Variants in MALRD1 observed in about 807,000 individuals in gnomAD.
MALRD1 encodes the protein MAM and LDL-receptor class A domain-containing protein 1.
Under a neutral mutation model 242.1 loss-of-function variants are expected in MALRD1, and 247 were observed. The observed-to-expected ratio is 1.02, with a 90% confidence interval of 0.92 to 1.13. MALRD1 has a LOEUF of 1.13. Ranked by LOEUF, MALRD1 falls within the 50% of genes most tolerant of loss-of-function variation. The pLI, the probability that MALRD1 is intolerant of heterozygous loss-of-function variation, is 0.00. For synonymous variants in MALRD1, 995 were observed against 866.6 expected (o/e 1.15, Z -2.60); for missense variants, 2,989 against 2,533.1 (o/e 1.18, Z -3.86).
intron 36 of MALRD1, among the ~76,000 whole-genome samples, chr10:19,649,235 T>C (rs1206738505): frequency 6.6e-6 from 1 of 152,180 alleles, no homozygotes; most frequent in Non-Finnish European, 1.5e-5. Context: ...TGCTTTATAT[T>C]CCTCTGGGTA....
intron 21 of MALRD1, among the ~76,000 whole-genome samples, chr10:19,285,172 G>T (rs2131896796): frequency 7.0e-6 from 1 of 143,330 alleles, no homozygotes; most frequent in South Asian, 2.3e-4. Context: ...AGATGAGTAG[G>T]TTGCGAAAAT....
At chr10:19,231,621 C>G (rs563956441) in intron 18 of MALRD1, among the ~76,000 whole-genome samples, 81 of 152,300 alleles carry the variant, frequency 5.3e-4, no homozygotes, top group African/African-American at 9.6e-4. Flanking sequence ...CCTACACAAG[C>G]TTTCTTCTCT....
chr10:19,067,125 C>T (rs1388108142), intron 2 of MALRD1, among the ~76,000 whole-genome samples: 1 of 152,088 alleles, frequency 6.6e-6, no homozygotes, highest in Non-Finnish European at 1.5e-5. Flanking sequence ...AATAGGTCTG[C>T]TTAGAGAATA....
chr10:19,373,771 A>T (rs992215722), intron 26 of MALRD1, among the ~76,000 whole-genome samples: 1 of 152,186 alleles, frequency 6.6e-6, no homozygotes, highest in Non-Finnish European at 1.5e-5. Flanking sequence ...AAGGTCAATT[A>T]ACCAAGAAGC....
At chr10:19,433,550 G>A (rs1293996565) in intron 28 of MALRD1, among the ~76,000 whole-genome samples, 3 of 152,186 alleles carry the variant, frequency 2.0e-5, no homozygotes, top group Non-Finnish European at 4.4e-5. Flanking sequence ...CAACAGTCAT[G>A]TCAGTTAGAT....
chr10:19,617,189 G>A (rs1839196010), intron 36 of MALRD1, among the ~76,000 whole-genome samples: 1 of 151,908 alleles, frequency 6.6e-6, no homozygotes, highest in Non-Finnish European at 1.5e-5. Context: ...TACATTCTTG[G>A]CAACACTCTC....
chr10:19,325,288 G>T (rs34343714), intron 22 of MALRD1, among the ~76,000 whole-genome samples: 19,598 of 151,742 alleles, frequency 0.13, 1,302 homozygotes, highest in South Asian at 0.16. Context: ...GAACCTCCAT[G>T]TCTCTCTAAA....
intron 1 of MALRD1, among the ~76,000 whole-genome samples, chr10:19,065,857 C>T (rs998073135): frequency 2.0e-5 from 3 of 152,108 alleles, no homozygotes; most frequent in East Asian, 1.9e-4. Context: ...TTCAGGAGTA[C>T]GTCTCAGCCA....
At chr10:19,734,023 G>GA (rs1835396641) in intron 39 of MALRD1, 134 bp from the exon 40 acceptor site, 1 of 629,032 alleles carries the variant, frequency 1.6e-6, no homozygotes, top group African/African-American at 1.9e-5. Flanking sequence ...GCTGGAAGAA[G>GA]AGTCAGGGAT....
At position 19,236,498 on chromosome 10, in the gene MALRD1, G is replaced by A. The variant is rs140020732; in HGVS notation, c.2992-21186G>A. Reference sequence around the variant, plus strand: ...AGAAGGCCTATTAGGTTCCAATACAGCATTAGGCAACTTGATAAGGTATCC... The same window carrying A: ...AGAAGGCCTATTAGGTTCCAATACAACATTAGGCAACTTGATAAGGTATCC... On this transcript the variant is annotated intron_variant, in intron 18 of 39. Transcript: ENST00000454679. Among the ~76,000 whole-genome samples the A allele has an allele frequency of 2.5e-3, 386 of 152,206 alleles. No homozygotes were observed. The Middle Eastern group carries it at 0.027, about 11-fold the overall frequency.
intron 18 of MALRD1, among the ~76,000 whole-genome samples, chr10:19,227,170 C>A (rs1168492906): frequency 1.3e-5 from 2 of 150,222 alleles, no homozygotes; most frequent in African/African-American, 4.9e-5. Flanking sequence ...TTTTTTAATG[C>A]GGAAGTCCAA....
chr10:19,599,666 A>G (rs995640283), intron 34 of MALRD1, among the ~76,000 whole-genome samples: 3 of 152,124 alleles, frequency 2.0e-5, no homozygotes, highest in African/African-American at 7.2e-5. Flanking sequence ...GGGATTGTTT[A>G]TTAGAGAAAT....
intron 21 of MALRD1, among the ~76,000 whole-genome samples, chr10:19,302,826 A>G (rs929410443): frequency 2.0e-5 from 3 of 151,780 alleles, no homozygotes; most frequent in African/African-American, 7.2e-5. Flanking sequence ...TAGGTGAGGG[A>G]TGAATTTTTT....
In MALRD1 at chr10:19,505,673, C is replaced by T. The variant is rs75109816; in HGVS notation, c.5320+7027C>T. On this transcript the variant is annotated intron_variant, in intron 31 of 39. Transcript: ENST00000454679. ...GAAGAACTCTTCAGGGGAACTCACTCAGACCACTTGGAGGAATAGGGAAAT... is the reference window on the plus strand; with the variant it reads ...GAAGAACTCTTCAGGGGAACTCACTTAGACCACTTGGAGGAATAGGGAAAT... 2.4e-3 allele frequency among the ~76,000 whole-genome samples: 365 copies of T among 152,314 alleles called. 6 individuals are homozygous for T. In the East Asian group the frequency reaches 0.049, roughly 20 times the overall value.
At chr10:19,655,299 A>G (rs191104979) in intron 36 of MALRD1, among the ~76,000 whole-genome samples, 1 of 152,040 alleles carries the variant, frequency 6.6e-6, no homozygotes, top group African/African-American at 2.4e-5. Flanking sequence ...GTCTGTTTCT[A>G]GAAGTTTGTC....
chr10:19,344,182 C>T (rs528166348), intron 24 of MALRD1, among the ~76,000 whole-genome samples: 1 of 152,036 alleles, frequency 6.6e-6, no homozygotes, highest in African/African-American at 2.4e-5. Flanking sequence ...ATGTATTGAT[C>T]TTTCCTCTTC....
chr10:19,085,974 G>A (rs74120706), intron 2 of MALRD1, among the ~76,000 whole-genome samples: 5,371 of 151,954 alleles, frequency 0.035, 289 homozygotes, highest in African/African-American at 0.12. Flanking sequence ...CTGATTATGC[G>A]TATTTGATTA....
intron 31 of MALRD1, among the ~76,000 whole-genome samples, chr10:19,529,543 A>G (rs1331854052): frequency 1.1e-4 from 4 of 35,224 alleles, no homozygotes; most frequent in African/African-American, 3.3e-4. Flanking sequence ...AGAAAAAAAC[A>G]GGAGGGGGGG....
intron 18 of MALRD1, among the ~76,000 whole-genome samples, chr10:19,237,223 C>G (rs10827121): frequency 6.6e-6 from 1 of 151,414 alleles, no homozygotes; most frequent in Non-Finnish European, 1.5e-5. Context: ...GCAAAGAACA[C>G]TAAAACTTAT....
Sources: allele counts gnomAD v4.1 joint callset (sites outside exome capture counted in the v4.1 genomes callset), GRCh38; gene constraint gnomAD v4.1.1; transcripts MANE v1.5; gene names NCBI Gene and HGNC (gene_info 2026-07-23, HGNC 2026-07-21).